FOXP2: variants seen among roughly 807,000 people sequenced by gnomAD.
FOXP2 encodes the protein forkhead box protein P2.
Under a neutral mutation model 115.8 loss-of-function variants are expected in FOXP2, and 12 were observed. The observed-to-expected ratio is 0.10, with a 90% CI of 0.07 to 0.17. FOXP2 has a LOEUF of 0.17. Ranked by LOEUF, FOXP2 falls within the 10% of genes least tolerant of loss-of-function variation. FOXP2 has a pLI of 1.00. For synonymous variants in FOXP2, 328 were observed against 297.7 expected, an observed-to-expected ratio of 1.10 and a Z score of -1.05; for missense variants, 629 against 843.5, an observed-to-expected ratio of 0.75 and a Z score of 3.15.
chr7:114,196,576 C>A (rs568592966), intron 1 of FOXP2, among the ~76,000 whole-genome samples: 9 of 152,226 alleles, frequency 5.9e-5, no homozygotes, highest in East Asian at 1.9e-4. Flanking sequence ...TCTTAGTGTT[C>A]TTAATAGACT....
At chr7:114,606,577 T>C (rs1478587149) in intron 3 of FOXP2, among the ~76,000 whole-genome samples, 2 of 152,352 alleles carry the variant, frequency 1.3e-5, no homozygotes, top group East Asian at 1.9e-4. Flanking sequence ...TGAGTTTCTA[T>C]TCCTTTTGCC....
intron 3 of FOXP2, among the ~76,000 whole-genome samples, chr7:114,592,853 G>A (rs1366623124): frequency 6.6e-6 from 1 of 151,938 alleles, no homozygotes; most frequent in Non-Finnish European, 1.5e-5. Context: ...TTCAAATAAT[G>A]AGTTAGCACT....
chr7:114,508,129 T>C (rs1370353362), intron 2 of FOXP2, among the ~76,000 whole-genome samples: 2 of 152,004 alleles, frequency 1.3e-5, no homozygotes, highest in Admixed American at 1.3e-4. Context: ...AAAGTATTAA[T>C]TTAAATGTGA....
intron 3 of FOXP2, among the ~76,000 whole-genome samples, chr7:114,542,176 T>C (rs1799694649): frequency 6.6e-6 from 1 of 152,112 alleles, no homozygotes. Context: ...TTTTCTCCTT[T>C]ACCATTTTAT....
At chr7:114,107,831 T>C (rs1791159043) in intron 1 of FOXP2, among the ~76,000 whole-genome samples, 1 of 151,926 alleles carries the variant, frequency 6.6e-6, no homozygotes, top group Non-Finnish European at 1.5e-5. Flanking sequence ...ATCATTGTTT[T>C]TTCACGGTCT....
intron 1 of FOXP2, among the ~76,000 whole-genome samples, chr7:114,111,190 T>C (rs1791259394): frequency 6.6e-6 from 1 of 152,186 alleles, no homozygotes; most frequent in Admixed American, 6.5e-5. Context: ...GGCTTGGTTA[T>C]GTGACTTGCT....
chr7:114,523,199 A>G (rs1798705979), intron 2 of FOXP2, among the ~76,000 whole-genome samples: 1 of 152,194 alleles, frequency 6.6e-6, no homozygotes, highest in South Asian at 2.1e-4. Flanking sequence ...GAGATCATCA[A>G]TGATAGGGAT....
At chr7:114,602,267 T>C (rs1803072442) in intron 3 of FOXP2, among the ~76,000 whole-genome samples, 1 of 152,096 alleles carries the variant, frequency 6.6e-6, no homozygotes, top group African/African-American at 2.4e-5. Flanking sequence ...TCTTAATATC[T>C]TTCTGTTTTG....
intron 3 of FOXP2, among the ~76,000 whole-genome samples, chr7:114,616,445 G>A (rs1404158771): frequency 6.6e-6 from 1 of 152,106 alleles, no homozygotes; most frequent in Admixed American, 6.5e-5. Flanking sequence ...TTACAGATGT[G>A]AGCCACCATG....
chr7:114,148,062 T>C (rs1199207253), intron 1 of FOXP2, among the ~76,000 whole-genome samples: 1 of 152,196 alleles, frequency 6.6e-6, no homozygotes, highest in Admixed American at 6.5e-5. Flanking sequence ...TTAGCATCAT[T>C]GAGCCTGGGC....
intron 3 of FOXP2, among the ~76,000 whole-genome samples, chr7:114,585,542 A>T (rs1468544507): frequency 6.6e-6 from 1 of 151,622 alleles, no homozygotes; most frequent in Non-Finnish European, 1.5e-5. Flanking sequence ...ATTAAAATTT[A>T]AGAAGCACTG....
At chr7:114,499,169 T>C (rs1013138456) in intron 2 of FOXP2, 3 of 468,266 alleles carry the variant, frequency 6.4e-6, no homozygotes, top group African/African-American at 5.9e-5. Context: ...TGAGGAATCA[T>C]GAGATCCAGC....
At chr7:114,097,145 T>C (rs1248884167) in intron 1 of FOXP2, among the ~76,000 whole-genome samples, 1 of 152,224 alleles carries the variant, frequency 6.6e-6, no homozygotes, top group Non-Finnish European at 1.5e-5. Context: ...TTAAAGATTA[T>C]TTCCATATGG....
At chr7:114,410,221 A>G (rs547224796), upstream of FOXP2, among the ~76,000 whole-genome samples, 8 of 152,202 alleles carry the variant, frequency 5.3e-5, no homozygotes, top group African/African-American at 1.9e-4. Context: ...GGTTAGATAC[A>G]TATCTGTAGT....
At chr7:114,134,819 T>A (rs1157176928) in intron 1 of FOXP2, among the ~76,000 whole-genome samples, 1 of 152,152 alleles carries the variant, frequency 6.6e-6, no homozygotes, top group Non-Finnish European at 1.5e-5. Flanking sequence ...AAGTCTTATA[T>A]CCAATACCAT....
chr7:114,377,301 G>T (rs1792164753), intron 2 of FOXP2, among the ~76,000 whole-genome samples: 2 of 152,124 alleles, frequency 1.3e-5, no homozygotes, highest in South Asian at 4.1e-4. Flanking sequence ...TAAGAAGTCA[G>T]TTAAAAATAT....
chr7:114,567,161 A>G (rs1379169369), intron 3 of FOXP2, among the ~76,000 whole-genome samples: 1 of 152,130 alleles, frequency 6.6e-6, no homozygotes, highest in Non-Finnish European at 1.5e-5. Flanking sequence ...TTTTATACAT[A>G]GTAGAAACAA....
At chr7:114,620,746 T>G (rs1804205250) in intron 3 of FOXP2, among the ~76,000 whole-genome samples, 1 of 152,092 alleles carries the variant, frequency 6.6e-6, no homozygotes, top group Admixed American at 6.6e-5. Context: ...CTGCATAGTT[T>G]TATAATCTAA....
intron 1 of FOXP2, among the ~76,000 whole-genome samples, chr7:114,150,076 G>A (rs1038859836): frequency 6.6e-6 from 1 of 151,936 alleles, no homozygotes; most frequent in Admixed American, 6.6e-5. Context: ...ATATTAATAC[G>A]TTTCTAATCT....
Sources: allele counts gnomAD v4.1 joint callset (sites outside exome capture counted in the v4.1 genomes callset), GRCh38; gene constraint gnomAD v4.1.1; transcripts MANE v1.5; gene names NCBI Gene and HGNC (gene_info 2026-07-23, HGNC 2026-07-21).